The following RIPK1 variants were observed in gnomAD, a reference collection of about 807,000 sequenced individuals.
RIPK1 encodes the protein receptor interacting serine/threonine kinase 1.
Under a neutral mutation model 62.4 loss-of-function variants are expected in RIPK1, and 27 were observed. The observed-to-expected ratio is 0.43, with a 90% confidence interval of 0.32 to 0.60. The LOEUF is 0.60. Among genes scored for constraint, RIPK1 ranks in the 20% least tolerant of loss-of-function variants. RIPK1 has a pLI of 0.07. For synonymous variants in RIPK1, 287 were observed against 303.2 expected, an observed-to-expected ratio of 0.95 and a Z score of 0.55; for missense variants, 735 against 831.0, an observed-to-expected ratio of 0.88 and a Z score of 1.42.
chr6:3,070,610 G>C (rs537738926), intron 1 of RIPK1, among the ~76,000 whole-genome samples: 61 of 151,010 alleles, frequency 4.0e-4, no homozygotes, highest in African/African-American at 1.3e-3. Context: ...GCTAATTTTT[G>C]TATTTTTAGT....
chr6:3,068,542 T>C lies in RIPK1; in HGVS notation c.-180T>C. On this transcript the variant is annotated 5_prime_UTR_variant, in exon 1 of 11. Transcript: ENST00000259808. The stretch of plus-strand genomic sequence containing the variant: ...CGCTCGACGCGGACGGCGGGCCAGC[T>C]GCCGGAGCGCGGCGACTCCAGGGGA... 2 of 985,264 alleles carry C rather than the reference T, an allele frequency of 2.0e-6. No homozygotes were observed. The highest frequency in any genetic ancestry group is 2.4e-6 in the Non-Finnish European group (2 of 829,928). The allele number at this position is 985,264 out of a possible 1,614,324, so 61.0% of individuals were successfully genotyped here. A position where few individuals can be genotyped will look rare whatever the true frequency, so the allele number is the denominator to read the frequency against.
upstream of RIPK1, among the ~76,000 whole-genome samples, chr6:3,066,749 T>C (rs1030612486): frequency 2.6e-5 from 4 of 152,152 alleles, no homozygotes; most frequent in Admixed American, 2.0e-4. Flanking sequence ...ATAAAACATA[T>C]ACATTATCAG....
chr6:3,068,404 C>G, upstream of RIPK1: 1 of 985,502 alleles, frequency 1.0e-6, no homozygotes, highest in Middle Eastern at 5.2e-4. Flanking sequence ...ACTCAGACCC[C>G]GGGCGCGAGG....
In RIPK1 at chr6:3,084,591, C is replaced by CTTT. The variant is rs55789041; in HGVS notation, c.689-654_689-652dup. ...GTGCTACTGGAACCCCTTGTACATC[C>CTTT]TTTTTTTTTTTTTTTTCCCGTGAGA... On this transcript the variant is annotated intron_variant, in intron 5 of 10. Coordinates refer to ENST00000259808, the MANE Select transcript of RIPK1 (RefSeq NM_001354930.2). Among the ~76,000 whole-genome samples the CTTT allele has an allele frequency of 4.7e-3, 630 of 134,622 alleles. 5 individuals carry two copies. Among genetic ancestry groups the CTTT allele is most frequent in the African/African-American group, 0.017 (595 of 35,514 alleles). The allele number at this position is 134,622 out of a possible 152,430, so 88.3% of individuals were successfully genotyped here.
upstream of RIPK1, chr6:3,068,033 C>T (rs139802993): frequency 4.2e-4 from 98 of 232,378 alleles, no homozygotes; most frequent in African/African-American, 2.2e-3. Context: ...CGTGAACAAC[C>T]GCGCCCGGCC....
intron 7 of RIPK1, among the ~76,000 whole-genome samples, chr6:3,097,519 G>A (rs1760378735): frequency 6.6e-6 from 1 of 152,208 alleles, no homozygotes; most frequent in Admixed American, 6.5e-5. Flanking sequence ...AAATGGTGCT[G>A]AGACAACTGG....
intron 7 of RIPK1, among the ~76,000 whole-genome samples, chr6:3,096,602 C>T (rs1760319391): frequency 7.0e-6 from 1 of 142,512 alleles, no homozygotes; most frequent in African/African-American, 2.7e-5. Flanking sequence ...CTCTGTCTCC[C>T]AGGCTGGAGT....
At chr6:3,078,098 A>G (rs896016982) in intron 3 of RIPK1, among the ~76,000 whole-genome samples, 163 bp downstream of exon 3, 1 of 152,106 alleles carries the variant, frequency 6.6e-6, no homozygotes, top group Non-Finnish European at 1.5e-5. Flanking sequence ...AGGTCTTGCT[A>G]TGTTGCCCAG....
intron 7 of RIPK1, among the ~76,000 whole-genome samples, chr6:3,094,421 C>T (rs886774288): frequency 2.6e-5 from 4 of 151,756 alleles, no homozygotes; most frequent in African/African-American, 4.8e-5. Context: ...TTAGAAGTAA[C>T]GAAATATACT....
chr6:3,068,468 G>C (rs903587102), upstream of RIPK1: 94 of 985,218 alleles, frequency 9.5e-5, no homozygotes, highest in Non-Finnish European at 1.1e-4. Context: ...GCAAGGGCCG[G>C]GGCAGGGGGA....
chr6:3,066,243 G>T (rs9392451), upstream of RIPK1, among the ~76,000 whole-genome samples: 1 of 151,984 alleles, frequency 6.6e-6, no homozygotes, highest in African/African-American at 2.4e-5. Flanking sequence ...AGGCTGGTCC[G>T]GAACCCCTGA....
chr6:3,080,756 A>AT (rs1759330525), intron 3 of RIPK1, among the ~76,000 whole-genome samples: 1 of 151,964 alleles, frequency 6.6e-6, no homozygotes, highest in African/African-American at 2.4e-5. Flanking sequence ...TTATTGTGGG[A>AT]TTTTTGTTTT....
chr6:3,082,018 T>A (rs1472888431), intron 4 of RIPK1, among the ~76,000 whole-genome samples: 1 of 152,132 alleles, frequency 6.6e-6, no homozygotes, highest in Non-Finnish European at 1.5e-5. Context: ...TTCTTTCCAT[T>A]GTCGTAAAGG....
intron 7 of RIPK1, among the ~76,000 whole-genome samples, chr6:3,102,049 G>A (rs1581427433): frequency 6.6e-6 from 1 of 152,196 alleles, no homozygotes; most frequent in African/African-American, 2.4e-5. Context: ...TTCCTTTGGA[G>A]TCTGGCATAT....
intron 7 of RIPK1, among the ~76,000 whole-genome samples, chr6:3,096,345 A>G (rs1692109122): frequency 1.3e-5 from 2 of 152,156 alleles, no homozygotes; most frequent in South Asian, 4.1e-4. Context: ...ATAATAGTTT[A>G]GTTATAAAAA....
chr6:3,073,716 G>A (rs767506635), intron 1 of RIPK1, among the ~76,000 whole-genome samples: 34 of 152,186 alleles, frequency 2.2e-4, no homozygotes, highest in Non-Finnish European at 4.7e-4. Flanking sequence ...ATGAGGTGTA[G>A]AAGGCTGGTT....
intron 6 of RIPK1, among the ~76,000 whole-genome samples, chr6:3,085,877 A>C (rs1759662028): frequency 6.6e-6 from 1 of 152,194 alleles, no homozygotes. Context: ...TCCACTTGGC[A>C]TGATGTCCTC....
Position 3,072,870 on chromosome 6 carries a change from A to T in RIPK1, c.-60-3894A>T, listed in dbSNP as rs1286774245. ...TCCAGTGATGTGTAGTGAATGAAAA[A>T]GGAGGCCTAAAATCAATGTTATCTT... On this transcript the variant is annotated intron_variant, in intron 1 of 10. Coordinates refer to ENST00000259808, the MANE Select transcript of RIPK1 (RefSeq NM_001354930.2). This position sits in a 1 kb window ranked among gnomAD's most constrained non-coding sequence, Gnocchi z 5.6. 6.6e-6 allele frequency among the ~76,000 whole-genome samples: 1 copy of T among 151,304 alleles called. No individual in the cohort carries two copies. The highest frequency in any genetic ancestry group is 1.5e-5 in the Non-Finnish European group (1 of 68,034).
chr6:3,095,677 G>T (rs916836107), intron 7 of RIPK1, among the ~76,000 whole-genome samples: 1 of 152,142 alleles, frequency 6.6e-6, no homozygotes, highest in Non-Finnish European at 1.5e-5. Flanking sequence ...CTTCTTAAAT[G>T]AGAAAAAGAT....
Sources: allele counts gnomAD v4.1 joint callset (sites outside exome capture counted in the v4.1 genomes callset), GRCh38; gene constraint gnomAD v4.1.1; non-coding constraint Gnocchi (gnomAD v3.1); transcripts MANE v1.5; gene names NCBI Gene and HGNC (gene_info 2026-07-23, HGNC 2026-07-21).